The following KLF12 variants were observed in gnomAD, a reference collection of about 807,000 sequenced individuals.
The protein encoded by KLF12 is Krueppel-like factor 12.
KLF12 carries 9 observed loss-of-function variants against 37.8 expected under a neutral mutation model. The observed-to-expected ratio is 0.24, with a 90% CI of 0.14 to 0.42. The LOEUF is 0.42. Among genes scored for constraint, KLF12 ranks in the 10% least tolerant of loss-of-function variants. KLF12 has a pLI of 1.00. For missense variants in KLF12, 411 were observed against 516.0 expected (o/e 0.80, Z 1.97); for synonymous variants, 208 against 202.1 (o/e 1.03, Z -0.25).
chr13:73,736,674 A>C (rs1877485586), intron 6 of KLF12, among the ~76,000 whole-genome samples: 1 of 152,230 alleles, frequency 6.6e-6, no homozygotes, highest in Non-Finnish European at 1.5e-5. Flanking sequence ...CGGCTTCCAA[A>C]TAACAACCCA....
chr13:73,940,570 C>A (rs1194202361), intron 3 of KLF12, among the ~76,000 whole-genome samples: 1 of 152,012 alleles, frequency 6.6e-6, no homozygotes, highest in African/African-American at 2.4e-5. Flanking sequence ...TTCACAATAA[C>A]CCTATGACAT....
At chr13:73,861,076 G>A (rs1885900715) in intron 3 of KLF12, among the ~76,000 whole-genome samples, 1 of 151,996 alleles carries the variant, frequency 6.6e-6, no homozygotes, top group Admixed American at 6.6e-5. Context: ...ACAGTAATAG[G>A]AAGTTAAAAA....
At chr13:73,845,728 T>G (rs1451896661) in intron 4 of KLF12, 99 bp downstream of exon 4, 1 of 1,099,466 alleles carries the variant, frequency 9.1e-7, no homozygotes, top group East Asian at 2.4e-5. Flanking sequence ...ACAGAACTTC[T>G]TTAGATGTAG....
At chr13:73,783,886 T>C (rs1465643141) in intron 5 of KLF12, among the ~76,000 whole-genome samples, 2 of 152,166 alleles carry the variant, frequency 1.3e-5, no homozygotes, top group African/African-American at 4.8e-5. Flanking sequence ...ACACAAACGC[T>C]TCCTTAGAAT....
At chr13:74,158,715 A>G in the KLF12 span, among the ~76,000 whole-genome samples, 1 of 152,166 alleles carries the variant, frequency 6.6e-6, no homozygotes, top group Admixed American at 6.5e-5. Context: ...GGGTGGGGAT[A>G]AAATATATAA....
the KLF12 span, among the ~76,000 whole-genome samples, chr13:74,237,872 A>C: frequency 5.3e-5 from 8 of 152,320 alleles, no homozygotes; most frequent in Admixed American, 3.3e-4. Flanking sequence ...ATATACAATC[A>C]TGTGGTCTGC....
the KLF12 span, among the ~76,000 whole-genome samples, chr13:74,266,682 TA>T: frequency 7.9e-5 from 12 of 152,160 alleles, no homozygotes; most frequent in African/African-American, 2.7e-4. Context: ...CGTAGATAGA[TA>T]GATAGCTCTT....
intron 7 of KLF12, among the ~76,000 whole-genome samples, chr13:73,706,886 T>A (rs1438240915): frequency 2.0e-5 from 3 of 152,248 alleles, no homozygotes; most frequent in Non-Finnish European, 1.5e-5. Flanking sequence ...CCTATTTAAT[T>A]TTATTTAATG....
At chr13:73,974,071 G>T (rs1257161741) in intron 2 of KLF12, among the ~76,000 whole-genome samples, 1 of 152,044 alleles carries the variant, frequency 6.6e-6, no homozygotes, top group Non-Finnish European at 1.5e-5. Context: ...AGAATACAGA[G>T]GAGGAAGACA....
At chr13:74,064,097 C>G (rs1873766669) in intron 1 of KLF12, among the ~76,000 whole-genome samples, 1 of 152,044 alleles carries the variant, frequency 6.6e-6, no homozygotes, top group Non-Finnish European at 1.5e-5. Context: ...AAAAAAATCA[C>G]AAACATTCTA....
chr13:73,897,572 C>T (rs564235418), intron 3 of KLF12, among the ~76,000 whole-genome samples: 4 of 152,212 alleles, frequency 2.6e-5, no homozygotes, highest in Admixed American at 2.0e-4. Context: ...TTTTTCAACC[C>T]CCAAATTCTG....
At chr13:73,815,201 C>T (rs372750228) in intron 4 of KLF12, among the ~76,000 whole-genome samples, 23 of 152,134 alleles carry the variant, frequency 1.5e-4, no homozygotes, top group East Asian at 1.2e-3. Flanking sequence ...AGGAGATCCA[C>T]TAGAAGAGGG....
rs373383391 is a variant in KLF12, at chr13:73,727,587, T to TA, written c.870-12063dup. The stretch of plus-strand genomic sequence containing the variant: ...TAATTATCTCAGTACCACAATGTCT[T>TA]AATTTTATAGCTTTAGGATCAGTTT... On this transcript the variant is annotated intron_variant, in intron 6 of 7. Transcript: ENST00000377669. 4.1e-3 allele frequency among the ~76,000 whole-genome samples: 623 copies of TA among 152,324 alleles called. 3 individuals are homozygous for TA. The highest frequency in any genetic ancestry group is 0.015 in the African/African-American group (606 of 41,566).
the KLF12 span, among the ~76,000 whole-genome samples, chr13:74,269,386 G>C: frequency 6.6e-6 from 1 of 152,066 alleles, no homozygotes; most frequent in East Asian, 1.9e-4. Context: ...TGCTCATATA[G>C]AGCACACCAC....
At chr13:74,284,149 G>GCC in the KLF12 span, among the ~76,000 whole-genome samples, 1 of 152,108 alleles carries the variant, frequency 6.6e-6, no homozygotes. Context: ...GAGCCACCAT[G>GCC]CCCGGCCTAG....
chr13:73,779,271 C>T (rs1346061156), intron 5 of KLF12, among the ~76,000 whole-genome samples: 1 of 152,082 alleles, frequency 6.6e-6, no homozygotes, highest in Non-Finnish European at 1.5e-5. Flanking sequence ...TTTTTAGCTC[C>T]TCACCAGAAA....
chr13:74,060,972 AC>A (rs1386849402), intron 1 of KLF12, among the ~76,000 whole-genome samples: 1 of 152,208 alleles, frequency 6.6e-6, no homozygotes, highest in Admixed American at 6.5e-5. Context: ...GGGGAATAGT[AC>A]CATCTCATGG....
At chr13:74,142,585 A>C in the KLF12 span, among the ~76,000 whole-genome samples, 1 of 152,152 alleles carries the variant, frequency 6.6e-6, no homozygotes, top group African/African-American at 2.4e-5. Context: ...CTTGACAAGA[A>C]TTGTGTCTGA....
chr13:74,093,094 A>C (rs2138830045), intron 1 of KLF12, among the ~76,000 whole-genome samples: 1 of 152,330 alleles, frequency 6.6e-6, no homozygotes, highest in South Asian at 2.1e-4. Flanking sequence ...AACCAAACTA[A>C]TCCTGGAGAC....
Sources: allele counts gnomAD v4.1 joint callset (sites outside exome capture counted in the v4.1 genomes callset), GRCh38; gene constraint gnomAD v4.1.1; transcripts MANE v1.5; gene names NCBI Gene and HGNC (gene_info 2026-07-23, HGNC 2026-07-21).